Variants in SHC4 observed in about 807,000 individuals in gnomAD.
SHC4 encodes the protein SHC-transforming protein 4.
SHC4 carries 41 observed loss-of-function variants against 69.4 expected under a neutral mutation model. The ratio of observed to expected loss-of-function variants is 0.59; its 90% CI spans 0.46 to 0.77. The LOEUF is 0.77. Among genes scored for constraint, SHC4 ranks in the 30% least tolerant of loss-of-function variants. The probability of loss-of-function intolerance (pLI) is 0.00; values close to 1 mark genes in which losing one functional copy is unlikely to be tolerated. For missense variants in SHC4, 777 were observed against 783.8 expected (o/e 0.99, Z 0.10); for synonymous variants, 318 against 299.3 (o/e 1.06, Z -0.64).
chr15:48,938,254 T>C (rs1163829066), intron 1 of SHC4: 5 of 152,184 alleles, frequency 3.3e-5, no homozygotes, highest in Admixed American at 3.3e-4. Context: ...AAATCCCAGG[T>C]TGTGTCAAAG....
At chr15:48,869,689 G>T in intron 5 of SHC4, among the ~76,000 whole-genome samples, 1 of 152,138 alleles carries the variant, frequency 6.6e-6, no homozygotes, top group Non-Finnish European at 1.5e-5. Context: ...ACATAATACT[G>T]CCTCCCTGAC....
intron 2 of SHC4, among the ~76,000 whole-genome samples, chr15:48,919,805 A>G (rs1284189125): frequency 6.6e-6 from 1 of 152,144 alleles, no homozygotes; most frequent in Non-Finnish European, 1.5e-5. Flanking sequence ...TCGAGCTTCC[A>G]TAACTGCTTA....
At chr15:48,931,855 T>C (rs181797927) in intron 1 of SHC4, among the ~76,000 whole-genome samples, 2 of 151,800 alleles carry the variant, frequency 1.3e-5, no homozygotes, top group East Asian at 3.9e-4. Context: ...TAATATCTTG[T>C]GTTTCTGTTT....
intron 2 of SHC4, among the ~76,000 whole-genome samples, chr15:48,916,290 C>T (rs1900619644): frequency 6.8e-6 from 1 of 146,650 alleles, no homozygotes; most frequent in African/African-American, 2.7e-5. Context: ...CACACACACA[C>T]ACACACACAC....
chr15:48,946,469 C>T, intron 1 of SHC4: 1 of 589,308 alleles, frequency 1.7e-6, no homozygotes, highest in Non-Finnish European at 2.1e-6. Flanking sequence ...CTTCCTTCTC[C>T]CTCCTCTCTT....
chr15:48,960,113 C>T (rs1043965731), intron 1 of SHC4, among the ~76,000 whole-genome samples: 6 of 152,184 alleles, frequency 3.9e-5, no homozygotes, highest in East Asian at 3.8e-4. Flanking sequence ...TCATTTGGGT[C>T]GTGGGGTCAG....
chr15:48,828,356 T>C (rs1735625961), intron 11 of SHC4, among the ~76,000 whole-genome samples: 1 of 152,220 alleles, frequency 6.6e-6, no homozygotes, highest in Admixed American at 6.5e-5. Context: ...GGTTGTTCTA[T>C]GGTGTTCCAC....
At chr15:48,877,638 T>TAAA in intron 4 of SHC4, 9 of 671,900 alleles carry the variant, frequency 1.3e-5, no homozygotes, top group Non-Finnish European at 1.6e-5. Context: ...TCACTATAAC[T>TAAA]AAAAAAAAAA....
intron 2 of SHC4, among the ~76,000 whole-genome samples, chr15:48,904,556 C>A (rs777424173): frequency 7.9e-5 from 12 of 152,124 alleles, no homozygotes; most frequent in Non-Finnish European, 1.6e-4. Flanking sequence ...TGAGTATCTT[C>A]ATGAAATTTA....
At chr15:48,933,320 C>A (rs532435119) in intron 1 of SHC4, among the ~76,000 whole-genome samples, 229 of 152,234 alleles carry the variant, frequency 1.5e-3, no homozygotes, top group Non-Finnish European at 2.9e-3. Context: ...AAAATAATTT[C>A]ATTTGCAATA....
At chr15:48,849,771 T>A (rs1056497891) in intron 9 of SHC4, among the ~76,000 whole-genome samples, 2 of 152,200 alleles carry the variant, frequency 1.3e-5, no homozygotes, top group Non-Finnish European at 2.9e-5. Context: ...AGCATAACTT[T>A]TAAGAGATTC....
At chr15:48,938,257 T>C (rs369610542) in intron 1 of SHC4, 1 of 152,208 alleles carries the variant, frequency 6.6e-6, no homozygotes, top group African/African-American at 2.4e-5. Context: ...TCCCAGGTTG[T>C]GTCAAAGTAT....
In SHC4 at chr15:48,825,800, T is replaced by A. The variant is rs1182825706; in HGVS notation, c.*171A>T. On this transcript the variant is annotated 3_prime_UTR_variant, in exon 12 of 12. Coordinates refer to ENST00000332408, the MANE Select transcript of SHC4 (RefSeq NM_203349.4). The stretch of plus-strand genomic sequence containing the variant: ...TTTTCTGATTTTCATTTCTGAAGAC[T>A]AATTTTTGTTAGTTCTTCATTTTAT... 6.9e-6 allele frequency: 5 copies of A among 723,470 alleles called. No individual in the cohort carries two copies. Among genetic ancestry groups the A allele is most frequent in the Non-Finnish European group, 1.1e-5 (5 of 470,036 alleles). 44.8% of individuals were successfully genotyped at this position (723,470 alleles called of 1,614,324 possible). A position where few individuals can be genotyped will look rare whatever the true frequency, so the allele number is the denominator to read the frequency against.
At chr15:48,916,304 CACACACACACACA>C (rs1416214142) in intron 2 of SHC4, among the ~76,000 whole-genome samples, 1 of 151,650 alleles carries the variant, frequency 6.6e-6, no homozygotes, top group African/African-American at 2.4e-5. Flanking sequence ...CACACACACA[CACACACACACACA>C]CCCAGAAGTA....
chr15:48,937,995 G>A (rs190866674), intron 1 of SHC4, among the ~76,000 whole-genome samples: 21 of 152,262 alleles, frequency 1.4e-4, no homozygotes, highest in African/African-American at 4.6e-4. Flanking sequence ...AGTCTTTTGC[G>A]GGGAGGAGCA....
intron 2 of SHC4, among the ~76,000 whole-genome samples, chr15:48,905,813 T>C (rs2141013893): frequency 6.6e-6 from 1 of 152,362 alleles, no homozygotes; most frequent in African/African-American, 2.4e-5. Context: ...TTGCTTAGGC[T>C]AGTGAATGTG....
intron 10 of SHC4, among the ~76,000 whole-genome samples, chr15:48,838,299 G>A (rs888436150): frequency 5.9e-5 from 9 of 152,126 alleles, no homozygotes; most frequent in Non-Finnish European, 8.8e-5. Flanking sequence ...TTGTTGCTCC[G>A]TGCATGGCCA....
Position 48,962,928 on chromosome 15 carries a change from A to G in SHC4, c.88T>C (p.Tyr30His). The G allele has an allele frequency of 6.2e-7, 1 of 1,613,258 alleles. No homozygotes were observed. The highest frequency in any genetic ancestry group is 8.5e-7 in the Non-Finnish European group (1 of 1,180,018). The change falls in exon 1 of 12, where the codon TAC becomes CAC. Residue 30 changes from tyrosine to histidine, a missense_variant. Coordinates refer to ENST00000332408, the MANE Select transcript of SHC4 (RefSeq NM_203349.4). ...ATCGACTCGTTCCGAAAGCGGCTGTACTTGGCCCTGTGCAGCATCCCGGGG... is the reference window on the plus strand; with the variant it reads ...ATCGACTCGTTCCGAAAGCGGCTGTGCTTGGCCCTGTGCAGCATCCCGGGG... ...GHPGMLHRAKYSRFRNESITS... is the reference protein window; with the variant it reads ...GHPGMLHRAKHSRFRNESITS...
chr15:48,857,644 G>A, intron 7 of SHC4, 48 bp downstream of exon 7: 1 of 1,440,888 alleles, frequency 6.9e-7, no homozygotes, highest in Non-Finnish European at 9.3e-7. Flanking sequence ...ACAGATAAAT[G>A]CACACATATA....
Sources: allele counts gnomAD v4.1 joint callset (sites outside exome capture counted in the v4.1 genomes callset), GRCh38; gene constraint gnomAD v4.1.1; transcripts MANE v1.5; gene names NCBI Gene and HGNC (gene_info 2026-07-23, HGNC 2026-07-21).